The following EBF4 variants were observed in gnomAD, a reference collection of about 807,000 sequenced individuals.
EBF4 encodes the protein EBF transcription factor 4, also known as transcription factor COE4.
EBF4 carries 34 observed loss-of-function variants against 67.1 expected under a neutral mutation model. The observed-to-expected ratio is 0.51, with a 90% CI of 0.39 to 0.67. EBF4 has a LOEUF of 0.67. Among genes scored for constraint, EBF4 ranks in the 30% least tolerant of loss-of-function variants. EBF4 has a pLI of 0.00. For missense variants in EBF4, 837 were observed against 873.3 expected, an observed-to-expected ratio of 0.96 and a Z score of 0.52; for synonymous variants, 387 against 377.7, an observed-to-expected ratio of 1.02 and a Z score of -0.29.
chr20:2,705,715 C>A (rs2087444035), exon 2 of EBF4: 3 of 1,550,238 alleles, frequency 1.9e-6, no homozygotes, highest in Non-Finnish European at 2.6e-6. Flanking sequence ...CCTTCATCGA[C>A]TTCGTGGAAA....
chr20:2,734,374 C>T (rs2087851861), intron 6 of EBF4, among the ~76,000 whole-genome samples: 1 of 152,126 alleles, frequency 6.6e-6, no homozygotes, highest in South Asian at 2.1e-4. Flanking sequence ...CACCACTGCA[C>T]TTCAGCCTGG....
intron 6 of EBF4, among the ~76,000 whole-genome samples, chr20:2,737,261 AAAAAG>A (rs1568581196): frequency 6.7e-6 from 1 of 150,320 alleles, no homozygotes; most frequent in South Asian, 2.1e-4. Flanking sequence ...AAAAAAAAAA[AAAAAG>A]AAAAGAAAAG....
rs2088150698 is a variant in EBF4, at chr20:2,751,807, C to T, written c.1107+19C>T. On this transcript the variant is annotated intron_variant, in intron 11 of 16. Transcript: ENST00000609451. This position sits in a 1 kb window ranked among gnomAD's most constrained non-coding sequence, Gnocchi z 5.2. Reference sequence around the variant, plus strand: ...GCCCAAGGTACTCAGAGGGGCGGGGCGGGGCGGGGCTGAGGGTGTCCTGTG... The same window carrying T: ...GCCCAAGGTACTCAGAGGGGCGGGGTGGGGCGGGGCTGAGGGTGTCCTGTG... 1 of 487,182 alleles carries T rather than the reference C, an allele frequency of 2.1e-6. No homozygotes were observed. Among genetic ancestry groups the T allele is most frequent in the Non-Finnish European group, 4.1e-6 (1 of 246,180 alleles). The allele number at this position is 487,182 out of a possible 1,614,324, so 30.2% of individuals were successfully genotyped here.
intron 10 of EBF4, 94 bp downstream of exon 10, chr20:2,750,067 G>C: frequency 6.9e-7 from 1 of 1,457,554 alleles, no homozygotes; most frequent in South Asian, 1.4e-5. Context: ...GGAGTTAGCC[G>C]AGCTCTACGC....
intron 1 of EBF4, among the ~76,000 whole-genome samples, chr20:2,705,254 G>A (rs2087434724): frequency 6.6e-6 from 1 of 152,210 alleles, no homozygotes; most frequent in Non-Finnish European, 1.5e-5. Flanking sequence ...TCATACTTTT[G>A]ATTTTTGAGA....
Position 2,749,532 on chromosome 20 carries a change from G to A in EBF4, c.757+14G>A. On this transcript the variant is annotated intron_variant, in intron 8 of 16. Coordinates refer to ENST00000609451, the Ensembl canonical transcript of EBF4. ...ACCCCTCCGAAGGTCAGGACCCCCG[G>A]CCCAGCCCCGGCCGCCGCGGGCCCA... 3 of 1,542,014 alleles carry A rather than the reference G, an allele frequency of 1.9e-6. No individual in the cohort carries two copies. Among genetic ancestry groups the A allele is most frequent in the South Asian group, 2.4e-5 (2 of 83,324 alleles).
At chr20:2,728,856 G>A (rs1215424213) in intron 6 of EBF4, among the ~76,000 whole-genome samples, 1 of 151,940 alleles carries the variant, frequency 6.6e-6, no homozygotes, top group Non-Finnish European at 1.5e-5. Flanking sequence ...TTCCTTCAAT[G>A]GTGGGAATGG....
At chr20:2,737,465 C>T (rs146303159) in intron 6 of EBF4, among the ~76,000 whole-genome samples, 340 of 152,166 alleles carry the variant, frequency 2.2e-3, no homozygotes, top group African/African-American at 8.0e-3. Flanking sequence ...GGAGCAAGTT[C>T]TCACCTCCCA....
chr20:2,758,887 C>A, intron 15 of EBF4, 22 bp from the exon 16 acceptor site: 2 of 1,551,264 alleles, frequency 1.3e-6, no homozygotes, highest in Non-Finnish European at 1.7e-6. Context: ...GCTTATGGCT[C>A]CTTTTTCCTT....
chr20:2,724,790 G>T (rs909017784), intron 6 of EBF4, among the ~76,000 whole-genome samples: 1 of 152,124 alleles, frequency 6.6e-6, no homozygotes, highest in African/African-American at 2.4e-5. Context: ...TGTAGTACCA[G>T]CTACTTGGGT....
chr20:2,741,063 C>T lies in EBF4; in HGVS notation c.558-7486C>T, dbSNP rs113098142. On this transcript the variant is annotated intron_variant, in intron 6 of 16. Coordinates refer to ENST00000609451, the Ensembl canonical transcript of EBF4. ...TGGTGGCTCATGCCTGTAATCTCAG[C>T]ATTTTGGGAGGCTGAATCAGAAGGA... Among the ~76,000 whole-genome samples, 1,503 of 152,204 alleles carry T rather than the reference C, an allele frequency of 9.9e-3. 30 individuals carry two copies. The highest frequency in any genetic ancestry group is 0.033 in the African/African-American group (1,374 of 41,506).
intron 7 of EBF4, 68 bp from the exon 8 acceptor site, chr20:2,749,333 C>G: frequency 1.6e-6 from 2 of 1,242,804 alleles, no homozygotes; most frequent in Non-Finnish European, 2.2e-6. Flanking sequence ...GGTGCTGGTT[C>G]CCCACCACAT....
rs186607182 is a variant in EBF4 at position 2,737,175 on chromosome 20, G to A, written c.558-11374G>A. Among the ~76,000 whole-genome samples, 1,355 of 151,438 alleles carry A rather than the reference G, an allele frequency of 8.9e-3. 23 individuals carry two copies. Among genetic ancestry groups the A allele is most frequent in the Middle Eastern group, 0.054 (16 of 294 alleles). On this transcript the variant is annotated intron_variant, in intron 6 of 16. Transcript: ENST00000609451. The stretch of plus-strand genomic sequence containing the variant: ...TGAGGCAGGAGAATGGCGTGAACCC[G>A]GGAGGCGGAGCTTGCAGTGAGCCGA...
chr20:2,722,430 A>C (rs773069343), intron 6 of EBF4, among the ~76,000 whole-genome samples: 1 of 152,086 alleles, frequency 6.6e-6, no homozygotes, highest in African/African-American at 2.4e-5. Context: ...ACTTGGCTTC[A>C]GATAGTTTTC....
chr20:2,692,829 G>A, upstream of EBF4: 1 of 158,550 alleles, frequency 6.3e-6, no homozygotes, highest in South Asian at 1.6e-4. The surrounding 1 kb of genome is among the most constrained non-coding windows in gnomAD (Gnocchi z 6.4). Context: ...GGCGGCGGCG[G>A]CGGGATGGCC....
At chr20:2,727,154 C>G (rs1007849112) in intron 6 of EBF4, among the ~76,000 whole-genome samples, 3 of 151,842 alleles carry the variant, frequency 2.0e-5, no homozygotes, top group African/African-American at 4.8e-5. Context: ...TATATACCAC[C>G]TTTTATTATA....
intron 6 of EBF4, among the ~76,000 whole-genome samples, chr20:2,730,931 G>A (rs913991403): frequency 1.3e-5 from 2 of 152,026 alleles, no homozygotes; most frequent in African/African-American, 2.4e-5. Context: ...ATGGAGTCTC[G>A]CTCCATCACC....
rs1276896836 is a variant in EBF4, at chr20:2,747,082, C to G, written c.558-1467C>G. 6.6e-6 allele frequency among the ~76,000 whole-genome samples: 1 copy of G among 152,162 alleles called. No individual in the cohort carries two copies. The highest frequency in any genetic ancestry group is 1.5e-5 in the Non-Finnish European group (1 of 68,028). ...CCGAGGTGGGTGAATCACCTGAGGT[C>G]AGGAATCGAGACCAGCCTGGCCAAC... is the stretch of plus-strand genomic sequence containing the variant. On this transcript the variant is annotated intron_variant, in intron 6 of 16. Coordinates refer to ENST00000609451, the Ensembl canonical transcript of EBF4. The surrounding 1 kb of genome is among the most constrained non-coding windows in gnomAD (Gnocchi z 4.6).
At chr20:2,726,715 C>T (rs2087751339) in intron 6 of EBF4, among the ~76,000 whole-genome samples, 3 of 152,048 alleles carry the variant, frequency 2.0e-5, no homozygotes, top group African/African-American at 7.3e-5. Flanking sequence ...TTATTTGTTA[C>T]ACAAACTTTA....
Sources: gnomAD v4.1 joint callset for allele counts (sites outside exome capture counted in the v4.1 genomes callset) on GRCh38, gnomAD v4.1.1 for gene constraint, Gnocchi (gnomAD v3.1) non-coding constraint, MANE v1.5 for transcripts, NCBI Gene and HGNC (gene_info 2026-07-23, HGNC 2026-07-21) for gene names.